NLGN1: variants seen among roughly 807,000 people sequenced by gnomAD.
NLGN1 encodes the protein neuroligin 1.
In NLGN1, 12 loss-of-function variants were observed where a neutral mutation model predicts 65.5. The ratio of observed to expected loss-of-function variants is 0.18; its 90% confidence interval spans 0.12 to 0.30. The LOEUF (loss-of-function observed/expected upper bound fraction) is 0.30, where lower values mean the gene tolerates loss of function less well. NLGN1 is among the 10% of genes least tolerant of loss of function. The pLI is 1.00. For missense variants in NLGN1, 750 were observed against 1,007.1 expected, an observed-to-expected ratio of 0.74 and a Z score of 3.46; for synonymous variants, 350 against 359.5, an observed-to-expected ratio of 0.97 and a Z score of 0.30.
chr3:173,814,843 A>G (rs1194250740), intron 4 of NLGN1, among the ~76,000 whole-genome samples: 1 of 152,220 alleles, frequency 6.6e-6, no homozygotes, highest in Non-Finnish European at 1.5e-5. Context: ...ATAGATAACG[A>G]TTGAATGCAA....
rs866679237 is a variant in NLGN1, at chr3:173,764,543, G to A, written c.494-43137G>A. Among the ~76,000 whole-genome samples, 4 of 152,150 alleles carry A rather than the reference G, an allele frequency of 2.6e-5. No individual in the cohort carries two copies. The South Asian group carries it at 6.2e-4, about 24-fold the overall frequency. On this transcript the variant is annotated intron_variant, in intron 3 of 6. Transcript: ENST00000457714. ...TCCGAAGGAGTTAAGAAGACTCTGA[G>A]AAGTATATCTCAGCTTATTTTTCAG...
intron 4 of NLGN1, among the ~76,000 whole-genome samples, chr3:174,204,671 T>G (rs1481414017): frequency 6.6e-6 from 1 of 152,248 alleles, no homozygotes; most frequent in Non-Finnish European, 1.5e-5. Context: ...TTATAGAAGA[T>G]TGTGGTCTTT....
intron 4 of NLGN1, among the ~76,000 whole-genome samples, chr3:173,908,369 A>G (rs977333674): frequency 6.6e-6 from 1 of 152,228 alleles, no homozygotes; most frequent in African/African-American, 2.4e-5. Flanking sequence ...AGTAATTTTT[A>G]TAATATCTTT....
At chr3:173,713,285 A>G (rs1288312406) in intron 3 of NLGN1, among the ~76,000 whole-genome samples, 1 of 152,148 alleles carries the variant, frequency 6.6e-6, no homozygotes, top group Admixed American at 6.5e-5. Flanking sequence ...GTAGTTTTTC[A>G]GTGTTTTCTT....
At chr3:173,516,260 A>G (rs1733796367) in intron 2 of NLGN1, among the ~76,000 whole-genome samples, 2 of 152,076 alleles carry the variant, frequency 1.3e-5, no homozygotes, top group Non-Finnish European at 2.9e-5. Flanking sequence ...ACTATTATGT[A>G]TTGCATTCTC....
intron 2 of NLGN1, among the ~76,000 whole-genome samples, chr3:173,530,951 A>G (rs918676906): frequency 6.6e-6 from 1 of 152,124 alleles, no homozygotes; most frequent in Non-Finnish European, 1.5e-5. Flanking sequence ...TTTAATTGAC[A>G]TAATTTTCCA....
Position 173,980,793 on chromosome 3 carries a change from A to G in NLGN1, c.646+172961A>G, listed in dbSNP as rs189660484. ...TTGGGCAGGGGTGGGAATTATTTCA[A>G]ACTCATGTGACTAATCCTCCAAAAT... is the stretch of plus-strand genomic sequence containing the variant. On this transcript the variant is annotated intron_variant, in intron 4 of 6. Transcript: ENST00000457714. Among the ~76,000 whole-genome samples, 232 of 152,194 alleles carry G rather than the reference A, an allele frequency of 1.5e-3. 1 individual carries two copies. The highest frequency in any genetic ancestry group is 2.7e-3 in the Non-Finnish European group (181 of 67,994).
At chr3:173,747,270 T>C (rs1449589626) in intron 3 of NLGN1, among the ~76,000 whole-genome samples, 2 of 139,560 alleles carry the variant, frequency 1.4e-5, no homozygotes, top group African/African-American at 2.7e-5. Flanking sequence ...TATATATATC[T>C]TTAAGTATAT....
chr3:174,064,000 G>A (rs1292205228), intron 4 of NLGN1, among the ~76,000 whole-genome samples: 1 of 152,062 alleles, frequency 6.6e-6, no homozygotes, highest in Non-Finnish European at 1.5e-5. Flanking sequence ...AAATTAGCCA[G>A]GCATGGTGAC....
At chr3:174,293,828 T>A in the NLGN1 span, among the ~76,000 whole-genome samples, 1 of 151,632 alleles carries the variant, frequency 6.6e-6, no homozygotes, top group Admixed American at 6.6e-5. Flanking sequence ...GAAAAAAGTG[T>A]TATTTGTATA....
intron 2 of NLGN1, among the ~76,000 whole-genome samples, chr3:173,552,407 G>C (rs1296056649): frequency 2.0e-5 from 3 of 152,078 alleles, no homozygotes; most frequent in African/African-American, 7.2e-5. Context: ...TAGCAGTGGA[G>C]ACCTAATATG....
chr3:173,871,940 A>G (rs1242826840), intron 4 of NLGN1, among the ~76,000 whole-genome samples: 3 of 152,182 alleles, frequency 2.0e-5, no homozygotes, highest in South Asian at 2.1e-4. Context: ...GGACCTTTCA[A>G]TTTCAACCGT....
chr3:174,254,664 T>C (rs1276617965), intron 4 of NLGN1, among the ~76,000 whole-genome samples: 1 of 152,140 alleles, frequency 6.6e-6, no homozygotes. Context: ...GAATGGTAGA[T>C]ACAATCTACC....
intron 4 of NLGN1, among the ~76,000 whole-genome samples, chr3:173,909,408 GA>G (rs1452076128): frequency 6.6e-6 from 1 of 152,102 alleles, no homozygotes; most frequent in Non-Finnish European, 1.5e-5. Flanking sequence ...GGCTTTCCCT[GA>G]AAAAAGTTTA....
Position 174,183,946 on chromosome 3 carries a change from G to A in NLGN1, c.647-91369G>A, listed in dbSNP as rs190087519. On this transcript the variant is annotated intron_variant, in intron 4 of 6. Coordinates refer to ENST00000457714, the Ensembl canonical transcript of NLGN1. ...GGCTGTGCTTACGGACAATGTATGT[G>A]AATTATTATTTTTCAGTTGAAAGCA... is the stretch of plus-strand genomic sequence containing the variant. Among the ~76,000 whole-genome samples, 192 of 152,158 alleles carry A rather than the reference G, an allele frequency of 1.3e-3. 1 individual carries two copies. Among genetic ancestry groups the A allele is most frequent in the African/African-American group, 4.3e-3 (177 of 41,522 alleles).
chr3:173,533,217 T>A (rs1736882376), intron 2 of NLGN1, among the ~76,000 whole-genome samples: 1 of 152,238 alleles, frequency 6.6e-6, no homozygotes. Context: ...ATACTTCAAT[T>A]AAATCTGTAT....
intron 2 of NLGN1, among the ~76,000 whole-genome samples, chr3:173,489,107 T>G (rs1339318676): frequency 6.6e-6 from 1 of 152,042 alleles, no homozygotes; most frequent in East Asian, 1.9e-4. Context: ...TATTATACTT[T>G]AAGTTCCAGG....
chr3:174,059,106 C>A (rs1417237494), intron 4 of NLGN1, among the ~76,000 whole-genome samples: 4 of 152,136 alleles, frequency 2.6e-5, no homozygotes, highest in Non-Finnish European at 4.4e-5. Flanking sequence ...GCTAACTGGG[C>A]ACCTCAATTA....
intron 2 of NLGN1, among the ~76,000 whole-genome samples, chr3:173,493,034 A>G (rs1419332670): frequency 6.6e-6 from 1 of 151,836 alleles, no homozygotes; most frequent in South Asian, 2.1e-4. Context: ...TTTCTCCAGT[A>G]GTAAAAAGTG....
Sources: allele counts gnomAD v4.1 joint callset (sites outside exome capture counted in the v4.1 genomes callset), GRCh38; gene constraint gnomAD v4.1.1; transcripts MANE v1.5; gene names NCBI Gene and HGNC (gene_info 2026-07-23, HGNC 2026-07-21).